Variants in LSM10 observed in about 807,000 individuals in gnomAD.
LSM10 encodes the protein LSM10, U7 small nuclear RNA associated.
A neutral mutation model predicts 5.2 loss-of-function variants in LSM10; 4 were observed. The ratio of observed to expected loss-of-function variants is 0.77; its 90% CI spans 0.38 to 1.77. LSM10 has a LOEUF of 1.77. Ranked by LOEUF, LSM10 falls within the 40% of genes most tolerant of loss-of-function variation. The probability of loss-of-function intolerance (pLI) is 0.04; values close to 1 mark genes in which losing one functional copy is unlikely to be tolerated. For missense variants in LSM10, 150 were observed against 171.6 expected, an observed-to-expected ratio of 0.87 and a Z score of 0.70; for synonymous variants, 63 against 67.4, an observed-to-expected ratio of 0.94 and a Z score of 0.32.
chr1:36,393,787 A>T lies in LSM10; in HGVS notation c.343T>A (p.Trp115Arg), dbSNP rs773859497. ...RNFGGKGQGR[W>R]EFPPKNCK Reference sequence around the variant, plus strand: ...TTACAGTTTTTTGGGGGAAATTCCCACCGGCCTTGGCCCTTGCCACCAAAG... The same window carrying T: ...TTACAGTTTTTTGGGGGAAATTCCCTCCGGCCTTGGCCCTTGCCACCAAAG... The change falls in exon 2 of 2, where the codon TGG (tryptophan) becomes AGG (arginine). Residue 115 changes from tryptophan to arginine, a missense_variant. Coordinates refer to ENST00000315732, the MANE Select transcript of LSM10 (RefSeq NM_032881.3). 6.2e-7 allele frequency: 1 copy of T among 1,614,182 alleles called. No homozygotes were observed. Among genetic ancestry groups the T allele is most frequent in the South Asian group, 1.1e-5 (1 of 91,084 alleles).
At chr1:36,396,385 T>C (rs547984439) in intron 1 of LSM10, among the ~76,000 whole-genome samples, 3 of 152,334 alleles carry the variant, frequency 2.0e-5, no homozygotes, top group Admixed American at 1.3e-4. Flanking sequence ...CCACGCTGGC[T>C]GGAAACAGAC....
intron 1 of LSM10, among the ~76,000 whole-genome samples, chr1:36,396,587 CA>C (rs1647159310): frequency 6.6e-6 from 1 of 152,250 alleles, no homozygotes; most frequent in Admixed American, 6.5e-5. Flanking sequence ...TCATTTTGAA[CA>C]TGTTCCCAGG....
At position 36,394,118 on chromosome 1, in the gene LSM10, G is replaced by A; in HGVS notation, c.12C>T (p.Ser4=). Residue 4 remains serine (S), a synonymous_variant, in exon 2 of 2, where the codon AGC becomes AGT. Coordinates refer to ENST00000315732, the MANE Select transcript of LSM10 (RefSeq NM_032881.3). ...AGATGGTCCGCTCCTTCACTGAATGGCTCACCGCCATTCTTCCACACCAGC... is the reference window on the plus strand; with the variant it reads ...AGATGGTCCGCTCCTTCACTGAATGACTCACCGCCATTCTTCCACACCAGC... The part of the protein sequence containing the change: MAV[S]HSVKERTISE... The A allele has an allele frequency of 6.2e-7, 1 of 1,609,686 alleles. No individual in the cohort carries two copies.
At chr1:36,396,882 C>T (rs1355402156) in intron 1 of LSM10, among the ~76,000 whole-genome samples, 2 of 151,914 alleles carry the variant, frequency 1.3e-5, no homozygotes, top group African/African-American at 4.8e-5. Flanking sequence ...GCAGGAGAAT[C>T]GCTTGAACCC....
At chr1:36,396,810 A>C (rs1460874234) in intron 1 of LSM10, among the ~76,000 whole-genome samples, 6 of 152,198 alleles carry the variant, frequency 3.9e-5, no homozygotes, top group African/African-American at 1.4e-4. Flanking sequence ...AGTATCTACC[A>C]AAAATACAAA....
chr1:36,397,278 G>C (rs1445263056), intron 1 of LSM10, among the ~76,000 whole-genome samples: 3 of 152,182 alleles, frequency 2.0e-5, no homozygotes, highest in Non-Finnish European at 4.4e-5. Flanking sequence ...AAAGGGGGTG[G>C]AACGCTCTCT....
Position 36,394,138 on chromosome 1 carries a change from A to G in LSM10, c.-9T>C, listed in dbSNP as rs1647142059. 3.7e-6 allele frequency: 6 copies of G among 1,603,358 alleles called. No individual in the cohort carries two copies. In the East Asian group the frequency reaches 1.3e-4, roughly 36 times the overall value. On this transcript the variant is annotated 5_prime_UTR_variant, in exon 2 of 2. Coordinates refer to ENST00000315732, the MANE Select transcript of LSM10 (RefSeq NM_032881.3). ...GAATGGCTCACCGCCATTCTTCCAC[A>G]CCAGCTGCCTGCTTGCTGTGGACAG...
rs781776455 is a variant in LSM10, at chr1:36,393,817, G to T, written c.313C>A (p.Arg105=). ...EQQLQIIHRV[R]NFGGKGQGRW... is the part of the protein sequence containing the mutation. ...CCTTGGCCCTTGCCACCAAAGTTTC[G>T]CACCCGATGGATAATCTGCAGCTGC... The change falls in exon 2 of 2, where the codon CGA becomes AGA. Residue 105 remains arginine, a synonymous_variant. Coordinates refer to ENST00000315732, the MANE Select transcript of LSM10 (RefSeq NM_032881.3). The T allele has an allele frequency of 1.9e-6, 3 of 1,614,180 alleles. No homozygotes were observed. Among genetic ancestry groups the T allele is most frequent in the Non-Finnish European group, 2.5e-6 (3 of 1,180,036 alleles).
intron 1 of LSM10, 116 bp from the exon 2 acceptor site, chr1:36,394,269 G>C (rs77533140): frequency 0.027 from 25,140 of 945,668 alleles, 411 homozygotes; most frequent in South Asian, 0.046. Context: ...TGCAATTTTT[G>C]TATCTGTGGA....
At chr1:36,394,738 G>A (rs1047950280) in intron 1 of LSM10, among the ~76,000 whole-genome samples, 2 of 151,220 alleles carry the variant, frequency 1.3e-5, no homozygotes, top group African/African-American at 2.4e-5. Context: ...GTGAACCTAA[G>A]AGGCGGAGCT....
At position 36,393,944 on chromosome 1, in the gene LSM10, A is replaced by G. The variant is rs1177836918; in HGVS notation, c.186T>C (p.Arg62=). ...CATCCAGCTTGACCTGATGCCCCCA[A>G]CGGTCCGTGTAGGTGACTTTGGCCA... ...IRLAKVTYTD[R]WGHQVKLDDL... Residue 62 remains arginine (R), a synonymous_variant, in exon 2 of 2, where the codon CGT becomes CGC. Coordinates refer to ENST00000315732, the MANE Select transcript of LSM10 (RefSeq NM_032881.3). 1.9e-6 allele frequency: 3 copies of G among 1,614,082 alleles called. No individual in the cohort carries two copies. Among genetic ancestry groups the G allele is most frequent in the Admixed American group, 1.7e-5 (1 of 60,004 alleles).
In LSM10 at chr1:36,393,781, A is replaced by T; in HGVS notation, c.349T>A (p.Phe117Ile). The change falls in exon 2 of 2, where the codon TTT becomes ATT. Residue 117 changes from phenylalanine (F) to isoleucine (I), a missense_variant. Coordinates refer to ENST00000315732, the MANE Select transcript of LSM10 (RefSeq NM_032881.3). ...CCTCACTTACAGTTTTTTGGGGGAA[A>T]TTCCCACCGGCCTTGGCCCTTGCCA... ...FGGKGQGRWE[F>I]PPKNCK 1.2e-6 allele frequency: 2 copies of T among 1,614,078 alleles called. No individual in the cohort carries two copies. Among genetic ancestry groups the T allele is most frequent in the South Asian group, 2.2e-5 (2 of 91,078 alleles).
chr1:36,394,166 G>C lies in LSM10; in HGVS notation c.-24-13C>G. ...AGCTGCCTGCTTGCTGTGGACAGGA[G>C]CACACAGATGGCAGCTATAGCAGGG... On this transcript the variant is annotated splice_polypyrimidine_tract_variant and intron_variant, in intron 1 of 1. Transcript: ENST00000315732. 6.3e-7 allele frequency: 1 copy of C among 1,587,188 alleles called. No individual in the cohort carries two copies. Among genetic ancestry groups the C allele is most frequent in the Non-Finnish European group, 8.6e-7 (1 of 1,167,246 alleles).
In LSM10 at chr1:36,394,171, CA is replaced by C; in HGVS notation, c.-24-19del. The C allele has an allele frequency of 6.3e-7, 1 of 1,582,272 alleles. No homozygotes were observed. Among genetic ancestry groups the C allele is most frequent in the South Asian group, 1.1e-5 (1 of 88,712 alleles). ...CCTGCTTGCTGTGGACAGGAGCACA[CA>C]GATGGCAGCTATAGCAGGGTAGGGG... On this transcript the variant is annotated intron_variant, in intron 1 of 1. Coordinates refer to ENST00000315732, the MANE Select transcript of LSM10 (RefSeq NM_032881.3).
intron 1 of LSM10, among the ~76,000 whole-genome samples, chr1:36,394,971 G>A (rs908112459): frequency 1.3e-5 from 2 of 151,622 alleles, no homozygotes; most frequent in Non-Finnish European, 2.9e-5. Flanking sequence ...GCCAAGCGTG[G>A]TGGCACATGC....
chr1:36,395,950 G>A (rs1051627319), intron 1 of LSM10, among the ~76,000 whole-genome samples: 1 of 151,816 alleles, frequency 6.6e-6, no homozygotes, highest in Non-Finnish European at 1.5e-5. Context: ...GGCTGGGCGC[G>A]GTGGCTCACG....
In LSM10 at chr1:36,393,717, A is replaced by G. The variant is rs950153358; in HGVS notation, c.*41T>C. 3.1e-6 allele frequency: 5 copies of G among 1,604,264 alleles called. No individual in the cohort carries two copies. The Admixed American group carries it at 5.0e-5, about 16-fold the overall frequency. On this transcript the variant is annotated 3_prime_UTR_variant, in exon 2 of 2. Coordinates refer to ENST00000315732, the MANE Select transcript of LSM10 (RefSeq NM_032881.3). ...GGGCAGGGAACTAGCTCCGGAGATCACTGGAGGACTCCGAGTTGGGGCCAG... is the reference window on the plus strand; with the variant it reads ...GGGCAGGGAACTAGCTCCGGAGATCGCTGGAGGACTCCGAGTTGGGGCCAG...
At chr1:36,397,649 A>C (rs1000966588) in intron 1 of LSM10, 118 bp downstream of exon 1, 1 of 152,228 alleles carries the variant, frequency 6.6e-6, no homozygotes, top group Non-Finnish European at 1.5e-5. Flanking sequence ...TGGGGAAAGG[A>C]GCTATACTCG....
chr1:36,394,633 C>T (rs1647144851), intron 1 of LSM10, among the ~76,000 whole-genome samples: 1 of 151,624 alleles, frequency 6.6e-6, no homozygotes, highest in African/African-American at 2.4e-5. Context: ...GGTGAAACCC[C>T]GTCTCTACTA....
Sources: gnomAD v4.1 joint callset for allele counts (sites outside exome capture counted in the v4.1 genomes callset) on GRCh38, gnomAD v4.1.1 for gene constraint, MANE v1.5 for transcripts, NCBI Gene and HGNC (gene_info 2026-07-23, HGNC 2026-07-21) for gene names.